The following TMEM202 variants were observed in gnomAD, a reference collection of about 807,000 sequenced individuals.
TMEM202 encodes the protein transmembrane protein 202.
TMEM202 carries 25 observed loss-of-function variants against 26.1 expected under a neutral mutation model. That is an observed-to-expected ratio of 0.96 (90% confidence interval 0.70 to 1.34). The LOEUF is 1.34. Ranked by LOEUF, TMEM202 falls within the 40% of genes most tolerant of loss-of-function variation. The pLI, the probability that TMEM202 is intolerant of heterozygous loss-of-function variation, is 0.00. For missense variants in TMEM202, 301 were observed against 327.7 expected (o/e 0.92, Z 0.63); for synonymous variants, 122 against 119.0 (o/e 1.02, Z -0.16).
chr15:72,401,561 T>C (rs2063547803), intron 2 of TMEM202, among the ~76,000 whole-genome samples: 1 of 152,004 alleles, frequency 6.6e-6, no homozygotes, highest in South Asian at 2.1e-4. Context: ...AAAAAATTAA[T>C]ACATTAGAAT....
At chr15:72,398,529 A>G (rs773321168) in intron 1 of TMEM202, 122 bp downstream of exon 1, 196 of 1,252,732 alleles carry the variant, frequency 1.6e-4, no homozygotes, top group Non-Finnish European at 2.0e-4. Flanking sequence ...TTTTTTTTTT[A>G]GGAGTAGGGA....
chr15:72,399,056 T>C (rs1445521321), intron 2 of TMEM202, 148 bp downstream of exon 2: 2 of 926,250 alleles, frequency 2.2e-6, no homozygotes, highest in Non-Finnish European at 3.2e-6. Context: ...GTATCCTCAG[T>C]GTGCCCTTTC....
chr15:72,407,551 G>A, intron 4 of TMEM202, 140 bp from the exon 5 acceptor site: 1 of 728,626 alleles, frequency 1.4e-6, no homozygotes, highest in Non-Finnish European at 2.3e-6. Flanking sequence ...GCACAGGAGG[G>A]TAAAGTAACT....
intron 2 of TMEM202, among the ~76,000 whole-genome samples, chr15:72,403,634 A>T (rs2063558879): frequency 6.6e-6 from 1 of 152,188 alleles, no homozygotes; most frequent in South Asian, 2.1e-4. Flanking sequence ...CTGTTGTAAA[A>T]ACTGTTGTTT....
At chr15:72,406,955 G>T (rs2063574830) in intron 3 of TMEM202, 131 bp from the exon 4 acceptor site, 3 of 1,322,590 alleles carry the variant, frequency 2.3e-6, no homozygotes, top group Non-Finnish European at 2.1e-6. Flanking sequence ...TCTCATCTTG[G>T]TCAGTCCCCA....
At chr15:72,404,077 AT>A (rs1207238173) in intron 2 of TMEM202, among the ~76,000 whole-genome samples, 1 of 152,190 alleles carries the variant, frequency 6.6e-6, no homozygotes, top group Non-Finnish European at 1.5e-5. Flanking sequence ...TATTAAAATC[AT>A]TTGAATTAGT....
In TMEM202 at chr15:72,407,697, T is replaced by C; in HGVS notation, c.626T>C (p.Ile209Thr). The C allele has an allele frequency of 6.2e-7, 1 of 1,613,860 alleles. No homozygotes were observed. Among genetic ancestry groups the C allele is most frequent in the Non-Finnish European group, 8.5e-7 (1 of 1,179,780 alleles). ...AATTATTCCCTTCCCGTAGGGATCA[T>C]CTCTCTTCTCAACTACTTAACTTCC... Reference protein sequence around the residue: ...SDIFYMFAGIISLLNYLTSRS... With the variant: ...SDIFYMFAGITSLLNYLTSRS... Residue 209 changes from isoleucine to threonine, a missense_variant, in exon 5 of 5, where the codon ATC (isoleucine) becomes ACC (threonine). By Grantham distance (89) the Ile-to-Thr change is moderately conservative (BLOSUM62 -1). Transcript: ENST00000341689.
At chr15:72,400,398 T>C (rs2063542298) in intron 2 of TMEM202, among the ~76,000 whole-genome samples, 1 of 152,220 alleles carries the variant, frequency 6.6e-6, no homozygotes. Flanking sequence ...GTACATGCCA[T>C]GCAAATTGGT....
In TMEM202 at chr15:72,404,973, T is replaced by G. The variant is rs1037533565; in HGVS notation, c.338-1629T>G. Among the ~76,000 whole-genome samples, 7 of 152,304 alleles carry G rather than the reference T, an allele frequency of 4.6e-5. No individual in the cohort carries two copies. The East Asian group carries it at 1.4e-3, about 29-fold the overall frequency. ...CAGTCTTCAGAAAATGTGCAGCTTG[T>G]GAATTACTATGTTTTAATGTGGCTC... On this transcript the variant is annotated intron_variant, in intron 2 of 4. Transcript: ENST00000341689.
Position 72,407,225 on chromosome 15 carries a change from A to G in TMEM202, c.619+8A>G. ...TCTTTTACATGTTTGCTGGTGAGTC[A>G]CTTCCCTGCTCTATGCTAGAAGGAT... On this transcript the variant is annotated splice_region_variant and intron_variant, in intron 4 of 4. Transcript: ENST00000341689. 1 of 1,613,234 alleles carries G rather than the reference A, an allele frequency of 6.2e-7. No individual in the cohort carries two copies. Among genetic ancestry groups the G allele is most frequent in the Non-Finnish European group, 8.5e-7 (1 of 1,179,506 alleles).
chr15:72,406,264 G>T (rs552272102), intron 2 of TMEM202, among the ~76,000 whole-genome samples: 1 of 152,006 alleles, frequency 6.6e-6, no homozygotes, highest in South Asian at 2.1e-4. Flanking sequence ...CTGCTTCTTT[G>T]TTCTTTTGTA....
chr15:72,407,394 T>A (rs1338175708), intron 4 of TMEM202, among the ~76,000 whole-genome samples, 177 bp downstream of exon 4: 1 of 152,084 alleles, frequency 6.6e-6, no homozygotes, highest in African/African-American at 2.4e-5. Context: ...AAACCTAGCA[T>A]TAGTAACCTG....
At chr15:72,405,736 C>T (rs1171744212) in intron 2 of TMEM202, among the ~76,000 whole-genome samples, 3 of 151,998 alleles carry the variant, frequency 2.0e-5, no homozygotes, top group African/African-American at 7.2e-5. Flanking sequence ...GCCTTTAATC[C>T]CAGCACTTTG....
chr15:72,400,846 T>A (rs1406187523), intron 2 of TMEM202, among the ~76,000 whole-genome samples: 2 of 152,248 alleles, frequency 1.3e-5, no homozygotes, highest in Non-Finnish European at 2.9e-5. Flanking sequence ...TTAATGGCTA[T>A]TTCTTTATTA....
rs202081002 is a variant in TMEM202 at position 72,407,238 on chromosome 15, A to G, written c.619+21A>G. On this transcript the variant is annotated intron_variant, in intron 4 of 4. Coordinates refer to ENST00000341689, the MANE Select transcript of TMEM202 (RefSeq NM_001080462.3). ...TGCTGGTGAGTCACTTCCCTGCTCT[A>G]TGCTAGAAGGATGGATAGGGAAATC... is the stretch of plus-strand genomic sequence containing the variant. The G allele has an allele frequency of 3.4e-4, 543 of 1,611,394 alleles. 1 individual carries two copies. The highest frequency in any genetic ancestry group is 4.9e-4 in the African/African-American group (37 of 74,986).
chr15:72,401,565 T>C (rs994445577), intron 2 of TMEM202, among the ~76,000 whole-genome samples: 1 of 151,992 alleles, frequency 6.6e-6, no homozygotes, highest in Non-Finnish European at 1.5e-5. Context: ...AATTAATACA[T>C]TAGAATCCCG....
intron 2 of TMEM202, among the ~76,000 whole-genome samples, chr15:72,403,056 A>T (rs561329671): frequency 6.6e-6 from 1 of 152,266 alleles, no homozygotes; most frequent in East Asian, 1.9e-4. Flanking sequence ...CTCCAGCAAC[A>T]CCACTTTCCA....
At chr15:72,404,482 C>T (rs953284671) in intron 2 of TMEM202, among the ~76,000 whole-genome samples, 11 of 152,006 alleles carry the variant, frequency 7.2e-5, no homozygotes, top group African/African-American at 2.4e-4. Flanking sequence ...GCAGGAAGTT[C>T]GCTGGACCTT....
chr15:72,407,989 C>T lies in TMEM202; in HGVS notation c.*96C>T. The T allele has an allele frequency of 4.1e-6, 4 of 982,598 alleles. No individual in the cohort carries two copies. The highest frequency in any genetic ancestry group is 4.5e-6 in the Non-Finnish European group (3 of 661,310). The allele number at this position is 982,598 out of a possible 1,614,324, so 60.9% of individuals were successfully genotyped here. ...TGGGAAACTCTCCTAATATCATGTC[C>T]ATATTACTTGAGGAGACAGCATTAA... On this transcript the variant is annotated 3_prime_UTR_variant, in exon 5 of 5. Coordinates refer to ENST00000341689, the MANE Select transcript of TMEM202 (RefSeq NM_001080462.3).
Sources: allele counts gnomAD v4.1 joint callset (sites outside exome capture counted in the v4.1 genomes callset), GRCh38; gene constraint gnomAD v4.1.1; transcripts MANE v1.5; gene names NCBI Gene and HGNC (gene_info 2026-07-23, HGNC 2026-07-21).